Variants in HTR4 observed in about 807,000 individuals in gnomAD.
HTR4 encodes 5-hydroxytryptamine receptor 4.
In HTR4, 16 loss-of-function variants were observed where a neutral mutation model predicts 36.8. The ratio of observed to expected loss-of-function variants is 0.43; its 90% CI spans 0.29 to 0.66. The LOEUF is 0.66. HTR4 is among the 30% of genes least tolerant of loss of function. The pLI is 0.13. For missense variants in HTR4, 438 were observed against 490.9 expected (o/e 0.89, Z 1.02); for synonymous variants, 189 against 185.1 (o/e 1.02, Z -0.17).
chr5:148,532,179 G>A (rs905001258), intron 4 of HTR4, among the ~76,000 whole-genome samples: 1 of 152,018 alleles, frequency 6.6e-6, no homozygotes, highest in Admixed American at 6.6e-5. Flanking sequence ...CATCCTATAT[G>A]GACCAAAAAC....
At chr5:148,539,772 G>A (rs181253863) in intron 4 of HTR4, among the ~76,000 whole-genome samples, 100 of 152,242 alleles carry the variant, frequency 6.6e-4, no homozygotes, top group African/African-American at 2.4e-3. Flanking sequence ...CACTGTTGGA[G>A]GGAATGTAAA....
At chr5:148,593,239 C>G (rs972916335) in intron 2 of HTR4, among the ~76,000 whole-genome samples, 4 of 152,110 alleles carry the variant, frequency 2.6e-5, no homozygotes, top group East Asian at 1.9e-4. Flanking sequence ...CAGTGTGTGT[C>G]CCTTCAGAGG....
intron 2 of HTR4, among the ~76,000 whole-genome samples, chr5:148,581,865 A>G (rs762831005): frequency 6.6e-6 from 1 of 152,102 alleles, no homozygotes; most frequent in African/African-American, 2.4e-5. Context: ...TTTATTTATA[A>G]TTATAAAAAT....
chr5:148,550,392 C>T (rs540195112), intron 2 of HTR4, 130 bp from the exon 3 acceptor site: 4 of 1,003,942 alleles, frequency 4.0e-6, no homozygotes, highest in South Asian at 3.3e-5. Flanking sequence ...ATTTATCATG[C>T]GTTTAATGTA....
At chr5:148,483,872 T>G (rs1055358127) in intron 6 of HTR4, among the ~76,000 whole-genome samples, 6 of 152,156 alleles carry the variant, frequency 3.9e-5, no homozygotes, top group Non-Finnish European at 7.4e-5. Context: ...ACTTTGATCG[T>G]TTTTGATACA....
intron 4 of HTR4, among the ~76,000 whole-genome samples, chr5:148,528,120 A>T (rs1009935761): frequency 6.6e-6 from 1 of 152,188 alleles, no homozygotes; most frequent in South Asian, 2.1e-4. Flanking sequence ...TAAAATTATC[A>T]ATAAGTAAAG....
intron 6 of HTR4, among the ~76,000 whole-genome samples, chr5:148,502,648 A>G (rs1323123354): frequency 3.9e-5 from 6 of 152,224 alleles, no homozygotes; most frequent in Admixed American, 3.9e-4. Context: ...CTGGATGGAG[A>G]ATGACTTTGA....
intron 6 of HTR4, among the ~76,000 whole-genome samples, chr5:148,491,703 C>T (rs1044084223): frequency 6.6e-6 from 1 of 152,090 alleles, no homozygotes; most frequent in Non-Finnish European, 1.5e-5. Context: ...GGTTTAAACC[C>T]ACACAATCTC....
At chr5:148,537,195 A>G (rs1758866537) in intron 4 of HTR4, among the ~76,000 whole-genome samples, 1 of 152,226 alleles carries the variant, frequency 6.6e-6, no homozygotes, top group African/African-American at 2.4e-5. Context: ...ACTAATGAGA[A>G]GAAAGATATA....
At position 148,568,548 on chromosome 5, in the gene HTR4, T is replaced by C. The variant is rs148148774; in HGVS notation, c.27-18286A>G. On this transcript the variant is annotated intron_variant, in intron 2 of 6. Transcript: ENST00000377888. ...GTAGAATCACTCTTCTTTTTACAAA[T>C]TGTCCATGAGCTTAACTAAAGACAC... is the stretch of plus-strand genomic sequence containing the variant. 3.3e-3 allele frequency among the ~76,000 whole-genome samples: 506 copies of C among 152,194 alleles called. 5 individuals carry two copies. The highest frequency in any genetic ancestry group is 0.01 in the African/African-American group (435 of 41,554).
intron 1 of HTR4, among the ~76,000 whole-genome samples, chr5:148,653,084 G>A (rs1754086278): frequency 6.6e-6 from 1 of 151,994 alleles, no homozygotes; most frequent in Non-Finnish European, 1.5e-5. Flanking sequence ...CCATTCCAGG[G>A]ACAGGGTAAA....
chr5:148,573,658 A>G (rs182665213), intron 2 of HTR4, among the ~76,000 whole-genome samples: 86 of 152,156 alleles, frequency 5.7e-4, no homozygotes, highest in Non-Finnish European at 9.6e-4. Context: ...CATAATGAGC[A>G]CCAGAAGCAG....
At chr5:148,518,021 A>G (rs982213289) in intron 5 of HTR4, among the ~76,000 whole-genome samples, 1 of 152,016 alleles carries the variant, frequency 6.6e-6, no homozygotes, top group Admixed American at 6.6e-5. Context: ...ATATTCTACC[A>G]TAGCACTTTG....
chr5:148,483,229 C>T lies in HTR4; in HGVS notation c.1141G>A (p.Val381Met). 1 of 1,614,046 alleles carries T rather than the reference C, an allele frequency of 6.2e-7. No homozygotes were observed. Residue 381 changes from valine (V) to methionine (M), a missense_variant, in exon 7 of 7, where the codon GTG (valine) becomes ATG (methionine). Val to Met is a conservative substitution (Grantham distance 21, BLOSUM62 1). Coordinates refer to ENST00000377888, the MANE Select transcript of HTR4 (RefSeq NM_000870.7). ...TAAGTGTCACTGGGCTGAGCAGCCA[C>T]CAAAGGAGAAGTTGCTGGCGGGTGA... The part of the protein sequence containing the change: ...QCHPPATSPL[V>M]AAQPSDT
chr5:148,598,245 C>T (rs1761855343), intron 2 of HTR4, among the ~76,000 whole-genome samples: 1 of 151,982 alleles, frequency 6.6e-6, no homozygotes, highest in Non-Finnish European at 1.5e-5. Flanking sequence ...AAGTGATGCT[C>T]AGAAGGCCAG....
chr5:148,567,607 A>G (rs1278529201), intron 2 of HTR4, among the ~76,000 whole-genome samples: 2 of 151,968 alleles, frequency 1.3e-5, no homozygotes, highest in Admixed American at 1.3e-4. Flanking sequence ...CCTCTGCTCC[A>G]GGCACAAACA....
chr5:148,532,353 C>T (rs1758613377), intron 4 of HTR4, among the ~76,000 whole-genome samples: 1 of 152,204 alleles, frequency 6.6e-6, no homozygotes, highest in African/African-American at 2.4e-5. Flanking sequence ...GCAATGTTTG[C>T]CTTGTTCTGC....
intron 6 of HTR4, among the ~76,000 whole-genome samples, chr5:148,487,321 C>A (rs1756209928): frequency 6.6e-6 from 1 of 151,630 alleles, no homozygotes; most frequent in South Asian, 2.1e-4. Context: ...AGTTTTATAA[C>A]AAAGTTATTA....
chr5:148,593,020 T>A (rs78662663), intron 2 of HTR4, among the ~76,000 whole-genome samples: 4 of 152,324 alleles, frequency 2.6e-5, no homozygotes, highest in Admixed American at 2.0e-4. Flanking sequence ...TGGTTTCAAT[T>A]TATTCTATTG....
Sources: allele counts gnomAD v4.1 joint callset (sites outside exome capture counted in the v4.1 genomes callset), GRCh38; gene constraint gnomAD v4.1.1; transcripts MANE v1.5; gene names NCBI Gene and HGNC (gene_info 2026-07-23, HGNC 2026-07-21).